Variants in MYB observed in about 807,000 individuals in gnomAD.
MYB encodes the protein MYB proto-oncogene, transcription factor, also known as transcriptional activator Myb.
MYB carries 28 observed loss-of-function variants against 92.9 expected under a neutral mutation model. That is an observed-to-expected ratio of 0.30 (90% CI 0.22 to 0.41). MYB has a LOEUF of 0.41. Among genes scored for constraint, MYB ranks in the 10% least tolerant of loss-of-function variants. The pLI is 1.00. For synonymous variants in MYB, 295 were observed against 329.1 expected (o/e 0.90, Z 1.12); for missense variants, 679 against 929.3 (o/e 0.73, Z 3.50).
chr6:135,201,111 C>G (rs1778024865), intron 13 of MYB, among the ~76,000 whole-genome samples: 1 of 152,084 alleles, frequency 6.6e-6, no homozygotes, highest in African/African-American at 2.4e-5. Context: ...AAAAGAGAAT[C>G]TAACCTGCAA....
intron 15 of MYB, chr6:135,203,708 A>G: frequency 7.1e-6 from 10 of 1,404,000 alleles, no homozygotes; most frequent in Non-Finnish European, 9.4e-6. Context: ...TTTATGCTGT[A>G]TCCCTAGGCA....
At chr6:135,203,623 C>A in intron 15 of MYB, 1 of 981,352 alleles carries the variant, frequency 1.0e-6, no homozygotes, top group Non-Finnish European at 1.5e-6. Context: ...ACGTGTGTCA[C>A]TATCTTCTTC....
chr6:135,192,750 C>T (rs904126401), intron 6 of MYB, among the ~76,000 whole-genome samples, 192 bp downstream of exon 6: 5 of 152,150 alleles, frequency 3.3e-5, no homozygotes, highest in African/African-American at 4.8e-5. Context: ...TCTCCAGAAA[C>T]GAGGATGGTA....
chr6:135,202,681 TATC>T, intron 14 of MYB: 1 of 283,394 alleles, frequency 3.5e-6, no homozygotes, highest in Non-Finnish European at 6.9e-6. Flanking sequence ...TGGGTATTAT[TATC>T]ATTTCTATTA....
intron 1 of MYB, among the ~76,000 whole-genome samples, chr6:135,183,597 T>A (rs143604420): frequency 2.6e-5 from 4 of 152,324 alleles, no homozygotes; most frequent in Non-Finnish European, 5.9e-5. Context: ...TAGAAATTAA[T>A]CATGCTTCTA....
Position 135,218,493 on chromosome 6 carries a change from G to A in MYB, c.*513G>A, listed in dbSNP as rs1255239390. The A allele has an allele frequency of 3.2e-5, 6 of 184,642 alleles. No homozygotes were observed. Among genetic ancestry groups the A allele is most frequent in the African/African-American group, 1.4e-4 (6 of 42,594 alleles). The allele number at this position is 184,642 out of a possible 1,614,324, so 11.4% of individuals were successfully genotyped here. A position where few individuals can be genotyped will look rare whatever the true frequency, so the allele number is the denominator to read the frequency against. ...CTCATTTATGGTTAATGACATTGAA[G>A]GTACATTTATTGTACCAAACCATTT... On this transcript the variant is annotated 3_prime_UTR_variant, in exon 16 of 16. Transcript: ENST00000341911.
Position 135,200,388 on chromosome 6 carries a change from A to T in MYB, c.1923A>T (p.Pro641=). The change falls in exon 13 of 16, where the codon CCA becomes CCT. Residue 641 remains proline, a synonymous_variant. Coordinates refer to ENST00000341911, the MANE Select transcript of MYB (RefSeq NM_001130173.2). ...TTGCTGAGTTTCAAGAAAATGGACC[A>T]CCCTTACTGAAGAAAATCAAACAAG... ...GIVAEFQENG[P]PLLKKIKQEV... 1 of 1,614,118 alleles carries T rather than the reference A, an allele frequency of 6.2e-7. No homozygotes were observed. Among genetic ancestry groups the T allele is most frequent in the Non-Finnish European group, 8.5e-7 (1 of 1,180,036 alleles).
intron 15 of MYB, among the ~76,000 whole-genome samples, chr6:135,212,349 G>C (rs1006532944): frequency 1.4e-5 from 2 of 144,342 alleles, no homozygotes; most frequent in Non-Finnish European, 3.0e-5. Context: ...TGAAGTTGCT[G>C]TATGAATATA....
chr6:135,216,929 C>T (rs764170338), intron 15 of MYB, among the ~76,000 whole-genome samples: 1 of 152,128 alleles, frequency 6.6e-6, no homozygotes, highest in African/African-American at 2.4e-5. Context: ...TCTCCATTCT[C>T]GAGCCTGTCT....
intron 8 of MYB, chr6:135,195,086 G>A: frequency 7.8e-7 from 1 of 1,282,278 alleles, no homozygotes; most frequent in South Asian, 1.3e-5. Context: ...TGCCCAGTAG[G>A]TATTCCTAGG....
chr6:135,211,694 A>G (rs56272720), intron 15 of MYB, among the ~76,000 whole-genome samples: 5,275 of 152,292 alleles, frequency 0.035, 103 homozygotes, highest in Non-Finnish European at 0.053. Context: ...CTCTAGAGAC[A>G]TCGGGGACAA....
chr6:135,210,270 T>C (rs566903269), intron 15 of MYB, among the ~76,000 whole-genome samples: 3 of 152,358 alleles, frequency 2.0e-5, no homozygotes, highest in African/African-American at 7.2e-5. Flanking sequence ...AAAACCCAAG[T>C]GTAAAAGATG....
At chr6:135,194,189 A>G (rs1776985742) in intron 7 of MYB, among the ~76,000 whole-genome samples, 167 bp from the exon 8 acceptor site, 1 of 152,196 alleles carries the variant, frequency 6.6e-6, no homozygotes, top group Non-Finnish European at 1.5e-5. Context: ...CTTAAGTCTG[A>G]AATAACATTC....
Position 135,190,314 on chromosome 6 carries a change from G to A in MYB, c.494G>A (p.Arg165Lys). The A allele has an allele frequency of 6.2e-7, 1 of 1,614,198 alleles. No individual in the cohort carries two copies. The highest frequency in any genetic ancestry group is 8.5e-7 in the Non-Finnish European group (1 of 1,179,996). Residue 165 changes from arginine (R) to lysine (K), a missense_variant, in exon 5 of 16, where the codon AGA (arginine) becomes AAA (lysine). Physicochemically the swap from Arg to Lys is conservative, Grantham distance 26. This residue lies in a region of MYB where 37 missense variants were observed against 98.0 expected (regional missense o/e 0.38). Coordinates refer to ENST00000341911, the MANE Select transcript of MYB (RefSeq NM_001130173.2). This position sits in a 1 kb window ranked among gnomAD's most constrained non-coding sequence, Gnocchi z 4.5. ...CAGGCACACAAGAGACTGGGGAACAGATGGGCAGAAATCGCAAAGCTACTG... is the reference window on the plus strand; with the variant it reads ...CAGGCACACAAGAGACTGGGGAACAAATGGGCAGAAATCGCAAAGCTACTG... ...IYQAHKRLGN[R>K]WAEIAKLLPG...
intron 15 of MYB, among the ~76,000 whole-genome samples, chr6:135,205,030 G>A (rs1035384784): frequency 2.0e-5 from 3 of 152,102 alleles, no homozygotes; most frequent in African/African-American, 7.2e-5. Context: ...TCATGACACT[G>A]CACTCCAGCC....
At chr6:135,208,331 C>T (rs1442217487) in intron 15 of MYB, among the ~76,000 whole-genome samples, 1 of 151,714 alleles carries the variant, frequency 6.6e-6, no homozygotes, top group Non-Finnish European at 1.5e-5. Flanking sequence ...CCCGCCTTGG[C>T]CTACCAAAGT....
At chr6:135,207,737 C>CT (rs11433082) in intron 15 of MYB, among the ~76,000 whole-genome samples, 74,803 of 139,790 alleles carry the variant, frequency 0.54, 20,196 homozygotes, top group African/African-American at 0.62. Flanking sequence ...TACCTCATCT[C>CT]TTTTTTTTTT....
At chr6:135,184,422 CAG>C (rs569652645) in intron 1 of MYB, among the ~76,000 whole-genome samples, 11 of 139,438 alleles carry the variant, frequency 7.9e-5, no homozygotes, top group Non-Finnish European at 1.4e-4. Context: ...ACAGTGGAAA[CAG>C]AACTAGGCTA....
chr6:135,203,135 T>C, intron 14 of MYB, 82 bp from the exon 15 acceptor site: 1 of 989,972 alleles, frequency 1.0e-6, no homozygotes, highest in Non-Finnish European at 1.6e-6. Context: ...CTCATAGTAA[T>C]CTACTCTCCA....
Sources: allele counts gnomAD v4.1 joint callset (sites outside exome capture counted in the v4.1 genomes callset), GRCh38; gene constraint gnomAD v4.1.1; regional missense constraint gnomAD v4.1.1; non-coding constraint Gnocchi (gnomAD v3.1); transcripts MANE v1.5; gene names NCBI Gene and HGNC (gene_info 2026-07-23, HGNC 2026-07-21).